ARHGAP20: variants seen among roughly 807,000 people sequenced by gnomAD.
ARHGAP20 encodes rho GTPase-activating protein 20.
ARHGAP20 carries 34 observed loss-of-function variants against 73.7 expected under a neutral mutation model. The ratio of observed to expected loss-of-function variants is 0.46; its 90% CI spans 0.35 to 0.61. The LOEUF is 0.61. Among genes scored for constraint, ARHGAP20 ranks in the 20% least tolerant of loss-of-function variants. The probability of loss-of-function intolerance (pLI) is 0.00; values close to 1 mark genes in which losing one functional copy is unlikely to be tolerated. For missense variants in ARHGAP20, 1,314 were observed against 1,420.9 expected (o/e 0.92, Z 1.21); for synonymous variants, 523 against 518.2 (o/e 1.01, Z -0.13).
chr11:110,583,471 C>G lies in ARHGAP20; in HGVS notation c.1605+77G>C, dbSNP rs970069585. 2.2e-5 allele frequency: 28 copies of G among 1,288,742 alleles called. No individual in the cohort carries two copies. The Admixed American group carries it at 7.5e-4, about 35-fold the overall frequency. The allele number at this position is 1,288,742 out of a possible 1,614,324, so 79.8% of individuals were successfully genotyped here. On this transcript the variant is annotated intron_variant, in intron 13 of 14. Coordinates refer to ENST00000683387, the MANE Select transcript of ARHGAP20 (RefSeq NM_001384657.1). ...ATATTTAAGTTATTTAAGAAATCAT[C>G]TTTTAGAATACCCCAAATTTCAGTT... is the stretch of plus-strand genomic sequence containing the variant.
intron 1 of ARHGAP20, among the ~76,000 whole-genome samples, chr11:110,706,983 G>T (rs769490323): frequency 2.0e-5 from 3 of 152,048 alleles, no homozygotes; most frequent in Non-Finnish European, 2.9e-5. Context: ...TTTAATTCAA[G>T]CCCCAGTATA....
Position 110,579,313 on chromosome 11 carries a change from TTGTC to T in ARHGAP20, c.*53_*56del. The T allele has an allele frequency of 8.0e-6, 12 of 1,503,680 alleles. No individual in the cohort carries two copies. Among genetic ancestry groups the T allele is most frequent in the Non-Finnish European group, 1.1e-5 (12 of 1,124,866 alleles). 93.1% of individuals were successfully genotyped at this position (1,503,680 alleles called of 1,614,324 possible). A position where few individuals can be genotyped will look rare whatever the true frequency, so the allele number is the denominator to read the frequency against. On this transcript the variant is annotated 3_prime_UTR_variant, in exon 15 of 15. Coordinates refer to ENST00000683387, the MANE Select transcript of ARHGAP20 (RefSeq NM_001384657.1). ...TTATACAAAGGGGTCATAATAATTATTGTCTATTATTATTAACCCAGTTCCTGTT... is the reference window on the plus strand; with the variant it reads ...TTATACAAAGGGGTCATAATAATTATTATTATTATTAACCCAGTTCCTGTT...
At position 110,712,106 on chromosome 11, in the gene ARHGAP20, GC is replaced by G; in HGVS notation, c.105+20del. 1.5e-6 allele frequency: 2 copies of G among 1,298,748 alleles called. No homozygotes were observed. Among genetic ancestry groups the G allele is most frequent in the Non-Finnish European group, 2.0e-6 (2 of 1,018,440 alleles). 80.5% of individuals were successfully genotyped at this position (1,298,748 alleles called of 1,614,324 possible). On this transcript the variant is annotated intron_variant, in intron 1 of 14. Coordinates refer to ENST00000683387, the MANE Select transcript of ARHGAP20 (RefSeq NM_001384657.1). The stretch of plus-strand genomic sequence containing the variant: ...GGGGCTGCGGCGGCGGAGGGCACGG[GC>G]CCCCGCTCAGCGTCCTCACCTTCTT...
intron 9 of ARHGAP20, among the ~76,000 whole-genome samples, chr11:110,605,424 T>C (rs201387581): frequency 1.3e-5 from 2 of 152,258 alleles, no homozygotes; most frequent in East Asian, 3.8e-4. Flanking sequence ...AGAAACTATA[T>C]GTTTTAGTAT....
chr11:110,661,880 G>A (rs571782969), intron 2 of ARHGAP20, among the ~76,000 whole-genome samples: 1 of 151,832 alleles, frequency 6.6e-6, no homozygotes. Context: ...CTGCAATGTA[G>A]AAAAAATACA....
At chr11:110,647,382 G>A (rs1023277905) in intron 2 of ARHGAP20, among the ~76,000 whole-genome samples, 1 of 152,034 alleles carries the variant, frequency 6.6e-6, no homozygotes, top group Non-Finnish European at 1.5e-5. Context: ...ACTAGCTGAG[G>A]GAAAGAGCTG....
Position 110,584,127 on chromosome 11 carries a change from T to G in ARHGAP20, c.1416-390A>C, listed in dbSNP as rs1947552090. On this transcript the variant is annotated intron_variant, in intron 12 of 14. Coordinates refer to ENST00000683387, the MANE Select transcript of ARHGAP20 (RefSeq NM_001384657.1). Reference sequence around the variant, plus strand: ...TTTCTGATAAAATTAAACAGCAATTTATAAAATGCTCATTTAAGTAGCAAC... The same window carrying G: ...TTTCTGATAAAATTAAACAGCAATTGATAAAATGCTCATTTAAGTAGCAAC... Among the ~76,000 whole-genome samples, 3 of 152,222 alleles carry G rather than the reference T, an allele frequency of 2.0e-5. No homozygotes were observed. In the South Asian group the frequency reaches 6.2e-4, roughly 31 times the overall value.
At chr11:110,689,956 C>T (rs1950210333) in intron 2 of ARHGAP20, among the ~76,000 whole-genome samples, 1 of 144,174 alleles carries the variant, frequency 6.9e-6, no homozygotes, top group South Asian at 2.4e-4. Flanking sequence ...TTCGCTCCTG[C>T]TCTGCAAAAA....
rs77080867 is a variant in ARHGAP20, at chr11:110,606,665, G to C, written c.860C>G (p.Pro287Arg). The C allele has an allele frequency of 6.7e-4, 1,072 of 1,608,862 alleles. 6 individuals carry two copies. In the African/African-American group the frequency reaches 0.012, roughly 18 times the overall value. Reference sequence around the variant, plus strand: ...AAGGAAGGGCTCCTGGAGGTTGAAAGGGGTGGTAGAGTCCTTTGATCCCGG... The same window carrying C: ...AAGGAAGGGCTCCTGGAGGTTGAAACGGGTGGTAGAGTCCTTTGATCCCGG... ...LTPGSKDSTT[P>R]FNLQEPFLME... is the part of the protein sequence containing the mutation. Residue 287 changes from proline (P) to arginine (R), a missense_variant, in exon 9 of 15, where the codon CCT becomes CGT. By Grantham distance (103) the Pro-to-Arg change is moderately radical. Around this residue, in one of 3 missense-constraint regions of ARHGAP20, gnomAD observed 443 missense variants for 466.4 expected, o/e 0.95. Coordinates refer to ENST00000683387, the MANE Select transcript of ARHGAP20 (RefSeq NM_001384657.1).
At chr11:110,692,674 G>A (rs1950265825) in intron 1 of ARHGAP20, among the ~76,000 whole-genome samples, 2 of 152,086 alleles carry the variant, frequency 1.3e-5, no homozygotes, top group African/African-American at 4.8e-5. Flanking sequence ...AAAAGACAGT[G>A]TAAAATGACT....
chr11:110,578,497 A>AGTT lies in ARHGAP20; in HGVS notation c.*870_*872dup. ...AGCATTTGTGTAATTGAGAAAGGAC[A>AGTT]GTTGTTGTGGTCTTTTCCTCCATAT... On this transcript the variant is annotated 3_prime_UTR_variant, in exon 15 of 15. Transcript: ENST00000683387. 1.0e-6 allele frequency: 1 copy of AGTT among 985,438 alleles called. No individual in the cohort carries two copies. Among genetic ancestry groups the AGTT allele is most frequent in the Non-Finnish European group, 1.2e-6 (1 of 829,922 alleles). 61.0% of individuals were successfully genotyped at this position (985,438 alleles called of 1,614,324 possible). A position where few individuals can be genotyped will look rare whatever the true frequency, so the allele number is the denominator to read the frequency against.
At chr11:110,624,453 G>T in intron 3 of ARHGAP20, 142 bp from the exon 4 acceptor site, 1 of 590,972 alleles carries the variant, frequency 1.7e-6, no homozygotes, top group East Asian at 3.4e-5. Context: ...ATAAGAGTGA[G>T]AGCTGAACAT....
At chr11:110,604,068 A>C (rs977479306) in intron 9 of ARHGAP20, among the ~76,000 whole-genome samples, 2 of 152,030 alleles carry the variant, frequency 1.3e-5, no homozygotes, top group African/African-American at 4.8e-5. Context: ...ATTGGGTGGA[A>C]ATTTGTTTTT....
At chr11:110,607,730 C>T (rs569712701) in intron 8 of ARHGAP20, among the ~76,000 whole-genome samples, 9 of 152,202 alleles carry the variant, frequency 5.9e-5, no homozygotes, top group African/African-American at 1.4e-4. Flanking sequence ...TCAAAACAGC[C>T]GGCAGCTAAT....
chr11:110,578,211 C>G lies in ARHGAP20; in HGVS notation c.*1159G>C. 1.0e-6 allele frequency: 1 copy of G among 985,334 alleles called. No individual in the cohort carries two copies. The highest frequency in any genetic ancestry group is 1.7e-5 in the African/African-American group (1 of 57,332). The allele number at this position is 985,334 out of a possible 1,614,324, so 61.0% of individuals were successfully genotyped here. On this transcript the variant is annotated 3_prime_UTR_variant, in exon 15 of 15. Transcript: ENST00000683387. ...GGTATAAGCCATGAAACATTTGGGG[C>G]AAAAATATGGAACAACGTCTGGAAG...
chr11:110,589,592 T>C, intron 11 of ARHGAP20: 1 of 985,430 alleles, frequency 1.0e-6, no homozygotes, highest in Non-Finnish European at 1.2e-6. Context: ...CTGCAGAAGA[T>C]ACTGCTAAGG....
intron 1 of ARHGAP20, among the ~76,000 whole-genome samples, chr11:110,699,166 A>G (rs1463410207): frequency 6.6e-6 from 1 of 151,858 alleles, no homozygotes; most frequent in Non-Finnish European, 1.5e-5. Context: ...CTGTTTACCC[A>G]AAGGTCACTC....
chr11:110,578,528 G>A lies in ARHGAP20; in HGVS notation c.*842C>T, dbSNP rs1591286804. ...TGTGGTCTTTTCCTCCATATTGAGA[G>A]TGAACGCTGTCAGGAGGTCACCTTC... On this transcript the variant is annotated 3_prime_UTR_variant, in exon 15 of 15. Coordinates refer to ENST00000683387, the MANE Select transcript of ARHGAP20 (RefSeq NM_001384657.1). The A allele has an allele frequency of 1.0e-6, 1 of 985,440 alleles. No individual in the cohort carries two copies. 61.0% of individuals were successfully genotyped at this position (985,440 alleles called of 1,614,324 possible). A position where few individuals can be genotyped will look rare whatever the true frequency, so the allele number is the denominator to read the frequency against.
chr11:110,612,438 CA>C (rs1948391087), intron 6 of ARHGAP20, among the ~76,000 whole-genome samples: 1 of 150,086 alleles, frequency 6.7e-6, no homozygotes. Flanking sequence ...AAAAAAAAAA[CA>C]AAAAACAAAC....
Sources: gnomAD v4.1 joint callset for allele counts (sites outside exome capture counted in the v4.1 genomes callset) on GRCh38, gnomAD v4.1.1 for gene constraint, gnomAD v4.1.1 regional missense constraint, MANE v1.5 for transcripts, NCBI Gene and HGNC (gene_info 2026-07-23, HGNC 2026-07-21) for gene names.